PCDHGA9: variants seen among roughly 807,000 people sequenced by gnomAD.
The protein encoded by PCDHGA9 is protocadherin gamma-A9.
In PCDHGA9, 37 loss-of-function variants were observed where a neutral mutation model predicts 62.5. The observed-to-expected ratio is 0.59, with a 90% CI of 0.46 to 0.78. PCDHGA9 has a LOEUF of 0.78. PCDHGA9 is among the 30% of genes least tolerant of loss of function. The pLI is 0.00. For synonymous variants in PCDHGA9, 459 were observed against 484.6 expected (o/e 0.95, Z 0.69); for missense variants, 1,138 against 1,166.2 (o/e 0.98, Z 0.35).
chr5:141,405,760 G>T (rs1048838050), intron 1 of PCDHGA9, among the ~76,000 whole-genome samples: 2 of 152,148 alleles, frequency 1.3e-5, no homozygotes, highest in East Asian at 3.9e-4. Context: ...TTACAGGCGT[G>T]AGCCACTGCG....
chr5:141,485,421 C>G lies in PCDHGA9; in HGVS notation c.2425-9386C>G. The G allele has an allele frequency of 6.2e-7, 1 of 1,614,112 alleles. No individual in the cohort carries two copies. The highest frequency in any genetic ancestry group is 1.1e-5 in the South Asian group (1 of 91,080). ...TTCCGTGTGGATTTGGACAGCGGAG[C>G]CCTGCTCATCAAGAACCCAATCGAC... On this transcript the variant is annotated intron_variant, in intron 1 of 3. Transcript: ENST00000573521. This position sits in a 1 kb window ranked among gnomAD's most constrained non-coding sequence, Gnocchi z 5.7.
At chr5:141,483,258 T>G (rs2099579023) in intron 1 of PCDHGA9, among the ~76,000 whole-genome samples, 1 of 137,930 alleles carries the variant, frequency 7.3e-6, no homozygotes, top group South Asian at 2.1e-4. Flanking sequence ...TCATGAGGTT[T>G]TTTTGTTTTA....
chr5:141,489,359 AG>A lies in PCDHGA9; in HGVS notation c.2425-5447del. On this transcript the variant is annotated intron_variant, in intron 1 of 3. Coordinates refer to ENST00000573521, the MANE Select transcript of PCDHGA9 (RefSeq NM_018921.3). The surrounding 1 kb of genome is among the most constrained non-coding windows in gnomAD (Gnocchi z 4.5). ...CGTTACTCAGTGGTGGAGGAGTCTG[AG>A]CCGGGGACGCTGGTGGGGAATGTTG... 1 of 1,613,110 alleles carries A rather than the reference AG, an allele frequency of 6.2e-7. No homozygotes were observed. The highest frequency in any genetic ancestry group is 1.1e-5 in the South Asian group (1 of 90,984).
At chr5:141,423,177 C>T (rs748689237) in intron 1 of PCDHGA9, 3 of 1,613,430 alleles carry the variant, frequency 1.9e-6, no homozygotes, top group Non-Finnish European at 2.5e-6. Context: ...TCCAGGACCA[C>T]GGCCAGCCCC....
chr5:141,455,542 C>T (rs2154565110), intron 1 of PCDHGA9, among the ~76,000 whole-genome samples: 1 of 152,246 alleles, frequency 6.6e-6, no homozygotes, highest in African/African-American at 2.4e-5. Flanking sequence ...ATATCATTCA[C>T]GTAGCCCGAG....
chr5:141,506,398 A>T (rs902405970), intron 3 of PCDHGA9, among the ~76,000 whole-genome samples: 6 of 151,394 alleles, frequency 4.0e-5, no homozygotes, highest in Admixed American at 2.6e-4. Context: ...GTGAGCAGAA[A>T]ATCGCACCAC....
intron 1 of PCDHGA9, among the ~76,000 whole-genome samples, chr5:141,474,586 A>G (rs149003643): frequency 6.6e-6 from 1 of 152,222 alleles, no homozygotes; most frequent in Non-Finnish European, 1.5e-5. Flanking sequence ...AGTGTTAAAG[A>G]CATGGAAATA....
Position 141,491,405 on chromosome 5 carries a change from A to C in PCDHGA9, c.2425-3402A>C. 6.2e-7 allele frequency: 1 copy of C among 1,614,096 alleles called. No individual in the cohort carries two copies. Among genetic ancestry groups the C allele is most frequent in the Non-Finnish European group, 8.5e-7 (1 of 1,179,998 alleles). On this transcript the variant is annotated intron_variant, in intron 1 of 3. Coordinates refer to ENST00000573521, the MANE Select transcript of PCDHGA9 (RefSeq NM_018921.3). This position sits in a 1 kb window ranked among gnomAD's most constrained non-coding sequence, Gnocchi z 6.9. ...GCGAAGTGCCTTCAGGGAAACGCAG[A>C]CGGGGACGGGGGTGGAGGGCAGTGC... is the stretch of plus-strand genomic sequence containing the variant.
At chr5:141,430,084 A>G (rs538721051) in intron 1 of PCDHGA9, among the ~76,000 whole-genome samples, 2 of 152,292 alleles carry the variant, frequency 1.3e-5, no homozygotes, top group Admixed American at 1.3e-4. Context: ...AATATCATGA[A>G]AATTTGATTT....
At chr5:141,422,272 A>G in intron 1 of PCDHGA9, 1 of 1,561,362 alleles carries the variant, frequency 6.4e-7, no homozygotes, top group Non-Finnish European at 8.6e-7. Context: ...TCCAGAAATA[A>G]CTATCACCTC....
chr5:141,419,539 G>A, intron 1 of PCDHGA9: 3 of 1,612,058 alleles, frequency 1.9e-6, no homozygotes, highest in Non-Finnish European at 2.5e-6. Flanking sequence ...ACAACGCACC[G>A]CGGGTGCTGT....
Position 141,487,613 on chromosome 5 carries a change from G to C in PCDHGA9, c.2425-7194G>C, listed in dbSNP as rs1460090760. 1 of 1,614,218 alleles carries C rather than the reference G, an allele frequency of 6.2e-7. No homozygotes were observed. ...ACCCTCTGATCTTCTCTATGGGCTA[G>C]AGGTGAGACCTTTGCAGGCTCAACA... On this transcript the variant is annotated intron_variant, in intron 1 of 3. Coordinates refer to ENST00000573521, the MANE Select transcript of PCDHGA9 (RefSeq NM_018921.3). The surrounding 1 kb of genome is among the most constrained non-coding windows in gnomAD (Gnocchi z 5.0).
Position 141,404,592 on chromosome 5 carries a change from C to T in PCDHGA9, c.1640C>T (p.Ser547Leu). ...SGSPPLSSNV[S>L]LRLFVLDQND... Reference sequence around the variant, plus strand: ...AGCCCACCACTTAGCAGCAATGTGTCATTGAGACTGTTTGTTTTGGACCAG... The same window carrying T: ...AGCCCACCACTTAGCAGCAATGTGTTATTGAGACTGTTTGTTTTGGACCAG... Residue 547 changes from serine (S) to leucine (L), a missense_variant, in exon 1 of 4, where the codon TCA becomes TTA. By Grantham distance (145) the Ser-to-Leu change is moderately radical. Coordinates refer to ENST00000573521, the MANE Select transcript of PCDHGA9 (RefSeq NM_018921.3). 6.2e-7 allele frequency: 1 copy of T among 1,614,048 alleles called. No individual in the cohort carries two copies. Among genetic ancestry groups the T allele is most frequent in the African/African-American group, 1.3e-5 (1 of 75,058 alleles).
intron 1 of PCDHGA9, chr5:141,484,876 A>T (rs1461505847): frequency 6.3e-6 from 2 of 315,126 alleles, no homozygotes; most frequent in Admixed American, 9.4e-5. Flanking sequence ...CGTGGAGGAT[A>T]GGGTGGGCTT....
intron 2 of PCDHGA9, among the ~76,000 whole-genome samples, chr5:141,499,937 C>T (rs1257575594): frequency 6.6e-6 from 1 of 152,082 alleles, no homozygotes; most frequent in Non-Finnish European, 1.5e-5. Context: ...ATCCACCCTC[C>T]TCGGCCTCCC....
chr5:141,511,084 C>G lies in PCDHGA9; in HGVS notation c.2710C>G (p.Leu904Val). 1 of 1,614,236 alleles carries G rather than the reference C, an allele frequency of 6.2e-7. No homozygotes were observed. Among genetic ancestry groups the G allele is most frequent in the Non-Finnish European group, 8.5e-7 (1 of 1,180,030 alleles). The change falls in exon 4 of 4, where the codon CTG becomes GTG. Residue 904 changes from leucine (L) to valine (V), a missense_variant. Leu to Val is a conservative substitution (Grantham distance 32). Coordinates refer to ENST00000573521, the MANE Select transcript of PCDHGA9 (RefSeq NM_018921.3). Reference sequence around the variant, plus strand: ...CTACATCCCAGGCAGCAATGCCACACTGACCAACGCAGCTGGCAAGCGGGA... The same window carrying G: ...CTACATCCCAGGCAGCAATGCCACAGTGACCAACGCAGCTGGCAAGCGGGA... ...NVYIPGSNAT[L>V]TNAAGKRDGK...
chr5:141,490,605 C>A lies in PCDHGA9; in HGVS notation c.2425-4202C>A. On this transcript the variant is annotated intron_variant, in intron 1 of 3. Transcript: ENST00000573521. The surrounding 1 kb of genome is among the most constrained non-coding windows in gnomAD (Gnocchi z 5.4). ...TCAATGACAATGCACCCCGCTTCAA[C>A]CAGCAGCTTTACACTGCTTACATCC... 6.2e-6 allele frequency: 10 copies of A among 1,614,198 alleles called. No individual in the cohort carries two copies. The highest frequency in any genetic ancestry group is 8.5e-6 in the Non-Finnish European group (10 of 1,180,030).
At chr5:141,416,501 T>C (rs1164504285) in intron 1 of PCDHGA9, 6 of 152,148 alleles carry the variant, frequency 3.9e-5, no homozygotes, top group Non-Finnish European at 7.4e-5. Context: ...AAGAGATATA[T>C]GACAAAGCTA....
Position 141,419,399 on chromosome 5 carries a change from G to C in PCDHGA9, c.2424+14023G>C, listed in dbSNP as rs893535249. On this transcript the variant is annotated intron_variant, in intron 1 of 3. Coordinates refer to ENST00000573521, the MANE Select transcript of PCDHGA9 (RefSeq NM_018921.3). ...GTCCGTGAGCGCGCAGAGCGGGGTG[G>C]TGTTCGCGCAGCGCGCCTTCGACCA... 1.7e-5 allele frequency: 28 copies of C among 1,613,470 alleles called. No individual in the cohort carries two copies. Among genetic ancestry groups the C allele is most frequent in the Admixed American group, 1.7e-5 (1 of 60,014 alleles).
Sources: allele counts gnomAD v4.1 joint callset (sites outside exome capture counted in the v4.1 genomes callset), GRCh38; gene constraint gnomAD v4.1.1; non-coding constraint Gnocchi (gnomAD v3.1); transcripts MANE v1.5; gene names NCBI Gene and HGNC (gene_info 2026-07-23, HGNC 2026-07-21).